The following PTPRJ variants were observed in gnomAD, a reference collection of about 807,000 sequenced individuals.
PTPRJ encodes receptor-type tyrosine-protein phosphatase eta.
PTPRJ carries 129 observed loss-of-function variants against 141.3 expected under a neutral mutation model. That is an observed-to-expected ratio of 0.91 (90% CI 0.79 to 1.06). The LOEUF (loss-of-function observed/expected upper bound fraction) is 1.06, where lower values mean the gene tolerates loss of function less well. Among genes scored for constraint, PTPRJ ranks in the 50% least tolerant of loss-of-function variants. PTPRJ has a pLI of 0.00. For missense variants in PTPRJ, 1,601 were observed against 1,679.7 expected (o/e 0.95, Z 0.82); for synonymous variants, 610 against 640.5 (o/e 0.95, Z 0.72).
intron 8 of PTPRJ, among the ~76,000 whole-genome samples, chr11:48,135,648 AT>A (rs1857083730): frequency 6.6e-6 from 1 of 151,636 alleles, no homozygotes; most frequent in South Asian, 2.1e-4. Context: ...CACCCAACTA[AT>A]TTTTGTATTT....
intron 1 of PTPRJ, among the ~76,000 whole-genome samples, chr11:48,060,888 C>T (rs1383010564): frequency 6.6e-6 from 1 of 152,226 alleles, no homozygotes; most frequent in Non-Finnish European, 1.5e-5. Context: ...GCTACCTGCT[C>T]AGGCTGCCCC....
intron 1 of PTPRJ, among the ~76,000 whole-genome samples, chr11:48,038,637 G>A (rs192878832): frequency 1.3e-5 from 2 of 151,588 alleles, no homozygotes; most frequent in African/African-American, 4.9e-5. Flanking sequence ...GTCTACAGGC[G>A]CACGCCACCA....
At position 48,153,818 on chromosome 11, in the gene PTPRJ, G is replaced by A. The variant is rs756049082; in HGVS notation, c.3161G>A (p.Ser1054Asn). The change falls in exon 19 of 25, where the codon AGT becomes AAT. Residue 1054 changes from serine (S) to asparagine (N), a missense_variant. By Grantham distance (46) the Ser-to-Asn change is conservative. Coordinates refer to ENST00000418331, the MANE Select transcript of PTPRJ (RefSeq NM_002843.4). ...EYEDLKLVGI[S>N]QPKYAAELAE... is the part of the protein sequence containing the mutation. ...CAGGATCTGAAGCTTGTTGGAATTA[G>A]TCAACCTAAATATGCAGCAGAACTG... The A allele has an allele frequency of 6.2e-7, 1 of 1,613,420 alleles. No homozygotes were observed. The highest frequency in any genetic ancestry group is 1.7e-5 in the Admixed American group (1 of 59,998).
intron 1 of PTPRJ, among the ~76,000 whole-genome samples, chr11:48,011,868 C>T (rs77207953): frequency 0.023 from 3,525 of 152,152 alleles, 143 homozygotes; most frequent in African/African-American, 0.081. Flanking sequence ...CTTACCAGGT[C>T]GCCCAGGCTG....
At chr11:48,045,280 C>T (rs925535608) in intron 1 of PTPRJ, among the ~76,000 whole-genome samples, 1 of 152,152 alleles carries the variant, frequency 6.6e-6, no homozygotes, top group African/African-American at 2.4e-5. Flanking sequence ...TGTCCCCAAG[C>T]GAGCAGAGGC....
At chr11:48,042,666 T>C (rs77602347) in intron 1 of PTPRJ, among the ~76,000 whole-genome samples, 3,178 of 152,156 alleles carry the variant, frequency 0.021, 121 homozygotes, top group African/African-American at 0.074. Context: ...TATTCAGTAT[T>C]GGAGTACAGC....
At position 48,144,715 on chromosome 11, in the gene PTPRJ, G is replaced by A. The variant is rs4752904; in HGVS notation, c.2616G>A (p.Glu872=). Residue 872 remains glutamate, a synonymous_variant, in exon 13 of 25, where the codon GAG becomes GAA. Coordinates refer to ENST00000418331, the MANE Select transcript of PTPRJ (RefSeq NM_002843.4). ...CAGATGTCCTGAAATACACGTATGA[G>A]GATTTCAAAAAGGGAGCCTCAGATA... The part of the protein sequence containing the change: ...PSADVLKYTY[E]DFKKGASDTY... 1.9e-6 allele frequency: 3 copies of A among 1,613,808 alleles called. No individual in the cohort carries two copies. The highest frequency in any genetic ancestry group is 3.3e-5 in the Admixed American group (2 of 60,004).
chr11:48,020,131 G>A (rs1855074674), intron 1 of PTPRJ, among the ~76,000 whole-genome samples: 1 of 152,146 alleles, frequency 6.6e-6, no homozygotes. Context: ...AATTTATAGT[G>A]TTGTTCTTTT....
chr11:48,027,792 A>G (rs1224299344), intron 1 of PTPRJ, among the ~76,000 whole-genome samples: 1 of 57,086 alleles, frequency 1.8e-5, no homozygotes, highest in Admixed American at 1.4e-4. Context: ...CTCTGTCTCC[A>G]AAAAAAAAAA....
At chr11:48,047,114 C>T (rs990040764) in intron 1 of PTPRJ, among the ~76,000 whole-genome samples, 6 of 151,676 alleles carry the variant, frequency 4.0e-5, no homozygotes, top group African/African-American at 1.5e-4. Context: ...TGGGGTTTCA[C>T]CATGTTGGCC....
chr11:48,038,321 T>C (rs1031551284), intron 1 of PTPRJ, among the ~76,000 whole-genome samples: 1 of 152,154 alleles, frequency 6.6e-6, no homozygotes, highest in African/African-American at 2.4e-5. Context: ...GTTGTTCCCC[T>C]TGGCAATTTC....
chr11:48,128,610 A>T (rs1307527897), intron 7 of PTPRJ, among the ~76,000 whole-genome samples: 1 of 152,242 alleles, frequency 6.6e-6, no homozygotes, highest in African/African-American at 2.4e-5. Flanking sequence ...AATATTGATT[A>T]TATACTATTA....
rs1856883182 is a variant in PTPRJ at position 48,127,904 on chromosome 11, G to A, written c.1218G>A (p.Glu406=). The A allele has an allele frequency of 6.2e-7, 1 of 1,614,186 alleles. No individual in the cohort carries two copies. Among genetic ancestry groups the A allele is most frequent in the Middle Eastern group, 1.6e-4 (1 of 6,062 alleles). ...CCTACAAGATACATGTGGCGGGGGA[G>A]ACAGATTCTTCCAATCTCAACGTCA... ...NYTYKIHVAG[E]TDSSNLNVSE... is the part of the protein sequence containing the mutation. Residue 406 remains glutamate (E), a synonymous_variant, in exon 7 of 25, where the codon GAG becomes GAA. Coordinates refer to ENST00000418331, the MANE Select transcript of PTPRJ (RefSeq NM_002843.4).
intron 1 of PTPRJ, among the ~76,000 whole-genome samples, chr11:48,035,728 A>G (rs1854108541): frequency 1.3e-5 from 2 of 151,996 alleles, no homozygotes; most frequent in South Asian, 4.2e-4. Context: ...AGGATACTAA[A>G]TGATATTCTC....
rs188296594 is a variant in PTPRJ, at chr11:48,125,924, G to A, written c.1093+738G>A. ...GGGAGTGGGTGGGGAGGATGCGGCC[G>A]TAGGACAGGCTGCCTGACCTCATGG... On this transcript the variant is annotated intron_variant, in intron 6 of 24. Coordinates refer to ENST00000418331, the MANE Select transcript of PTPRJ (RefSeq NM_002843.4). 1.2e-3 allele frequency among the ~76,000 whole-genome samples: 179 copies of A among 152,282 alleles called. 1 individual carries two copies. Among genetic ancestry groups the A allele is most frequent in the Non-Finnish European group, 2.2e-3 (147 of 68,022 alleles).
At chr11:48,129,619 G>T (rs1856923286) in intron 7 of PTPRJ, among the ~76,000 whole-genome samples, 1 of 152,162 alleles carries the variant, frequency 6.6e-6, no homozygotes, top group South Asian at 2.1e-4. Flanking sequence ...CTCGCCCCAA[G>T]AAATGACTCC....
intron 7 of PTPRJ, among the ~76,000 whole-genome samples, chr11:48,129,611 C>T (rs192356772): frequency 9.1e-4 from 138 of 152,240 alleles, no homozygotes; most frequent in African/African-American, 2.6e-3. Context: ...CTTTAGGCCT[C>T]GCCCCAAGAA....
intron 1 of PTPRJ, among the ~76,000 whole-genome samples, chr11:48,039,881 C>T (rs992719160): frequency 5.9e-5 from 9 of 152,022 alleles, no homozygotes; most frequent in East Asian, 1.9e-4. Flanking sequence ...CTCCGCTTCC[C>T]GGGTTCAAGC....
chr11:47,998,701 C>T (rs924628394), intron 1 of PTPRJ, among the ~76,000 whole-genome samples: 4 of 152,350 alleles, frequency 2.6e-5, no homozygotes, highest in East Asian at 1.9e-4. Flanking sequence ...GTGCTCTGTA[C>T]GCACCAGCTG....
Sources: gnomAD v4.1 joint callset for allele counts (sites outside exome capture counted in the v4.1 genomes callset) on GRCh38, gnomAD v4.1.1 for gene constraint, MANE v1.5 for transcripts, NCBI Gene and HGNC (gene_info 2026-07-23, HGNC 2026-07-21) for gene names.